CPED1: variants seen among roughly 807,000 people sequenced by gnomAD.
CPED1 encodes the protein cadherin-like and PC-esterase domain-containing protein 1.
A neutral mutation model predicts 128.2 loss-of-function variants in CPED1; 114 were observed. The observed-to-expected ratio is 0.89, with a 90% CI of 0.76 to 1.04. The LOEUF (loss-of-function observed/expected upper bound fraction) is 1.04, where lower values mean the gene tolerates loss of function less well. Ranked by LOEUF, CPED1 falls within the 50% of genes least tolerant of loss-of-function variation. CPED1 has a pLI of 0.00. For synonymous variants in CPED1, 462 were observed against 426.7 expected (o/e 1.08, Z -1.02); for missense variants, 1,211 against 1,207.1 (o/e 1.00, Z -0.05).
Position 121,251,451 on chromosome 7 carries a change from G to A in CPED1, c.2310+7113G>A, listed in dbSNP as rs527549321. The stretch of plus-strand genomic sequence containing the variant: ...CACCACTCCTATTCAACATAGTGTT[G>A]GAAGTTCTGGCCAGGGCAATCAGGC... On this transcript the variant is annotated intron_variant, in intron 18 of 22. Coordinates refer to ENST00000310396, the MANE Select transcript of CPED1 (RefSeq NM_024913.5). 8.0e-3 allele frequency among the ~76,000 whole-genome samples: 1,223 copies of A among 152,164 alleles called. 13 individuals carry two copies. The highest frequency in any genetic ancestry group is 0.027 in the African/African-American group (1,119 of 41,514).
At chr7:121,164,462 A>G (rs937566535) in intron 16 of CPED1, among the ~76,000 whole-genome samples, 13 of 152,184 alleles carry the variant, frequency 8.5e-5, no homozygotes, top group African/African-American at 3.1e-4. Flanking sequence ...TCTCAAGCTT[A>G]AGCATGCATT....
chr7:121,000,443 A>G (rs1219217107), intron 2 of CPED1, among the ~76,000 whole-genome samples: 1 of 152,176 alleles, frequency 6.6e-6, no homozygotes, highest in African/African-American at 2.4e-5. Flanking sequence ...TCAACTTTCA[A>G]TTAAATTCAC....
At chr7:121,280,298 G>A (rs573950908) in intron 22 of CPED1, among the ~76,000 whole-genome samples, 1 of 152,270 alleles carries the variant, frequency 6.6e-6, no homozygotes, top group East Asian at 1.9e-4. Context: ...GGGGAATTTA[G>A]TGTCTGGGGA....
At chr7:121,242,305 T>TACTA (rs1798415557) in intron 17 of CPED1, among the ~76,000 whole-genome samples, 1 of 152,214 alleles carries the variant, frequency 6.6e-6, no homozygotes, top group African/African-American at 2.4e-5. Context: ...TTCTACTACT[T>TACTA]ACTAACTAGA....
At position 121,104,425 on chromosome 7, in the gene CPED1, C is replaced by T. The variant is rs1794921962; in HGVS notation, c.918+4331C>T. On this transcript the variant is annotated intron_variant, in intron 7 of 22. Transcript: ENST00000310396. ...CTTAGAGCAAAAAGTCACAAGTCATCCCTTCATCCGTTGTAAATCACAAAA... is the reference window on the plus strand; with the variant it reads ...CTTAGAGCAAAAAGTCACAAGTCATTCCTTCATCCGTTGTAAATCACAAAA... Among the ~76,000 whole-genome samples, 3 of 152,240 alleles carry T rather than the reference C, an allele frequency of 2.0e-5. No individual in the cohort carries two copies. In the South Asian group the frequency reaches 6.2e-4, roughly 32 times the overall value.
At chr7:121,019,289 T>C (rs1585021211) in intron 3 of CPED1, among the ~76,000 whole-genome samples, 1 of 152,078 alleles carries the variant, frequency 6.6e-6, no homozygotes, top group Non-Finnish European at 1.5e-5. Flanking sequence ...TGAGCCCTAG[T>C]TCTTTTATCT....
chr7:121,293,014 G>T (rs1792741475), intron 22 of CPED1, among the ~76,000 whole-genome samples: 3 of 152,178 alleles, frequency 2.0e-5, no homozygotes, highest in African/African-American at 7.2e-5. Flanking sequence ...CCCACTTGAG[G>T]AGGCAGTCTG....
chr7:121,068,082 G>A (rs1793890398), intron 5 of CPED1, among the ~76,000 whole-genome samples: 1 of 152,062 alleles, frequency 6.6e-6, no homozygotes, highest in Non-Finnish European at 1.5e-5. Flanking sequence ...CACTCTGATG[G>A]TAGTTTCTTT....
intron 16 of CPED1, among the ~76,000 whole-genome samples, chr7:121,232,744 T>G (rs1584617517): frequency 6.6e-6 from 1 of 152,040 alleles, no homozygotes; most frequent in African/African-American, 2.4e-5. Context: ...AGGGGAGGAA[T>G]TGGGTCTCTT....
chr7:121,055,191 T>G (rs1367493569), intron 4 of CPED1, among the ~76,000 whole-genome samples: 1 of 152,322 alleles, frequency 6.6e-6, no homozygotes, highest in East Asian at 1.9e-4. Flanking sequence ...TGTATGAATA[T>G]AACTTTTTCT....
chr7:121,252,035 G>A (rs1232905127), intron 18 of CPED1, among the ~76,000 whole-genome samples: 1 of 151,506 alleles, frequency 6.6e-6, no homozygotes, highest in Non-Finnish European at 1.5e-5. Context: ...AACAAAGCTG[G>A]AGGCATCACG....
intron 5 of CPED1, among the ~76,000 whole-genome samples, chr7:121,066,310 G>GT (rs994777338): frequency 4.0e-5 from 6 of 151,426 alleles, no homozygotes; most frequent in Non-Finnish European, 8.8e-5. Flanking sequence ...GACTTCAGGG[G>GT]TTTTTTGTTT....
At chr7:121,164,269 C>T (rs1260828179) in intron 16 of CPED1, among the ~76,000 whole-genome samples, 1 of 152,198 alleles carries the variant, frequency 6.6e-6, no homozygotes, top group African/African-American at 2.4e-5. Flanking sequence ...CCTCTCTGGT[C>T]TAGTACACTT....
At chr7:121,050,950 C>T in intron 4 of CPED1, 1 of 498,220 alleles carries the variant, frequency 2.0e-6, no homozygotes, top group Non-Finnish European at 4.1e-6. Context: ...CAAGGAAGAG[C>T]CCAAGAGGAG....
chr7:121,240,765 T>TAAAAAAAA (rs71170235), intron 17 of CPED1, among the ~76,000 whole-genome samples: 6,644 of 93,730 alleles, frequency 0.071, 404 homozygotes, highest in Middle Eastern at 0.081. Context: ...CCTCTTCTGT[T>TAAAAAAAA]AAAAAAAAAA....
rs1563037589 is a variant in CPED1, at chr7:121,129,317, A to ATATATATACG, written c.1408-800_1408-799insCGTATATATA. ...TATATATATATATATATATACGTAT[A>ATATATATACG]TATATATATATATATATACGTATAT... is the stretch of plus-strand genomic sequence containing the variant. On this transcript the variant is annotated intron_variant, in intron 11 of 22. Coordinates refer to ENST00000310396, the MANE Select transcript of CPED1 (RefSeq NM_024913.5). Among the ~76,000 whole-genome samples, 183 of 126,814 alleles carry ATATATATACG rather than the reference A, an allele frequency of 1.4e-3. 2 individuals are homozygous for ATATATATACG. The highest frequency in any genetic ancestry group is 4.4e-3 in the African/African-American group (142 of 32,498). The allele number at this position is 126,814 out of a possible 152,430, so 83.2% of individuals were successfully genotyped here.
chr7:121,190,066 A>G lies in CPED1; in HGVS notation c.2056-46648A>G, dbSNP rs117072347. Among the ~76,000 whole-genome samples the G allele has an allele frequency of 2.4e-3, 365 of 151,992 alleles. 1 individual carries two copies. Among genetic ancestry groups the G allele is most frequent in the South Asian group, 9.5e-3 (46 of 4,822 alleles). ...TTAAAGAATTTTAACAAGTAAATAT[A>G]TAATAGGCCACATAATGATAAGTGC... On this transcript the variant is annotated intron_variant, in intron 16 of 22. Coordinates refer to ENST00000310396, the MANE Select transcript of CPED1 (RefSeq NM_024913.5).
At chr7:121,132,122 A>T (rs1417364344) in intron 12 of CPED1, among the ~76,000 whole-genome samples, 1 of 152,110 alleles carries the variant, frequency 6.6e-6, no homozygotes, top group Non-Finnish European at 1.5e-5. Flanking sequence ...CTTCAAGGTT[A>T]CCAGTGAATG....
At chr7:121,047,417 C>T (rs1206403975) in intron 4 of CPED1, among the ~76,000 whole-genome samples, 1 of 151,978 alleles carries the variant, frequency 6.6e-6, no homozygotes, top group Non-Finnish European at 1.5e-5. Flanking sequence ...AGTACTTACT[C>T]TTTATATCGT....
Sources: gnomAD v4.1 joint callset for allele counts (sites outside exome capture counted in the v4.1 genomes callset) on GRCh38, gnomAD v4.1.1 for gene constraint, MANE v1.5 for transcripts, NCBI Gene and HGNC (gene_info 2026-07-23, HGNC 2026-07-21) for gene names.